The following GNPTAB variants were observed in gnomAD, a reference collection of about 807,000 sequenced individuals.
GNPTAB encodes the protein N-acetylglucosamine-1-phosphotransferase subunits alpha/beta.
A neutral mutation model predicts 136.6 loss-of-function variants in GNPTAB; 92 were observed. The observed-to-expected ratio is 0.67, with a 90% CI of 0.57 to 0.80. GNPTAB has a LOEUF of 0.80. Ranked by LOEUF, GNPTAB falls within the 30% of genes least tolerant of loss-of-function variation. GNPTAB has a pLI of 0.00. For missense variants in GNPTAB, 1,343 were observed against 1,501.8 expected (o/e 0.89, Z 1.75); for synonymous variants, 512 against 535.1 (o/e 0.96, Z 0.60).
At chr12:101,812,620 G>A (rs2137177054) in intron 1 of GNPTAB, among the ~76,000 whole-genome samples, 1 of 152,184 alleles carries the variant, frequency 6.6e-6, no homozygotes, top group Non-Finnish European at 1.5e-5. Flanking sequence ...AATCAGCTGG[G>A]CTTGGTGGCA....
chr12:101,767,330 T>G (rs1255604921), intron 11 of GNPTAB, among the ~76,000 whole-genome samples: 2 of 152,192 alleles, frequency 1.3e-5, no homozygotes, highest in African/African-American at 4.8e-5. Context: ...AAAATATAAC[T>G]ATGTGAGGGA....
intron 2 of GNPTAB, among the ~76,000 whole-genome samples, chr12:101,791,810 G>A (rs1482428692): frequency 6.6e-6 from 1 of 152,190 alleles, no homozygotes; most frequent in Non-Finnish European, 1.5e-5. Flanking sequence ...AAAATTAACA[G>A]AAATGAAACA....
In GNPTAB at chr12:101,761,626, C is replaced by A. The variant is rs1258759102; in HGVS notation, c.2853G>T (p.Arg951=). 1 of 1,614,166 alleles carries A rather than the reference C, an allele frequency of 6.2e-7. No individual in the cohort carries two copies. The highest frequency in any genetic ancestry group is 8.5e-7 in the Non-Finnish European group (1 of 1,180,008). ...ILNSKFGFTS[R]KVPAHMPHMI... ...TGTGAGGCATGTGAGCAGGGACTTT[C>A]CGCGATGTGAATCCAAACTTGCTAT... is the stretch of plus-strand genomic sequence containing the variant. The change falls in exon 14 of 21, where the codon CGG becomes CGT. Residue 951 remains arginine (R), a synonymous_variant. Transcript: ENST00000299314.
At chr12:101,784,708 G>C (rs1306402818) in intron 5 of GNPTAB, among the ~76,000 whole-genome samples, 3 of 151,724 alleles carry the variant, frequency 2.0e-5, no homozygotes, top group African/African-American at 7.3e-5. Context: ...GTCATAGGAT[G>C]AAGTTAATTA....
intron 15 of GNPTAB, among the ~76,000 whole-genome samples, 158 bp downstream of exon 15, chr12:101,760,969 C>T (rs1324488230): frequency 1.3e-5 from 2 of 151,966 alleles, no homozygotes; most frequent in South Asian, 2.1e-4. Flanking sequence ...TTAGTAGAGA[C>T]GGGGTTTCAC....
intron 1 of GNPTAB, among the ~76,000 whole-genome samples, chr12:101,828,631 A>G (rs1268337723): frequency 6.6e-6 from 1 of 152,146 alleles, no homozygotes; most frequent in Non-Finnish European, 1.5e-5. Context: ...CAGAGGTTGC[A>G]GTGAGCCGAG....
In GNPTAB at chr12:101,771,007, C is replaced by A. The variant is rs199560005; in HGVS notation, c.922G>T (p.Ala308Ser). The change falls in exon 8 of 21, where the codon GCC (alanine) becomes TCC (serine). Residue 308 changes from alanine (A) to serine (S), a missense_variant. Coordinates refer to ENST00000299314, the MANE Select transcript of GNPTAB (RefSeq NM_024312.5). ...TGTGCATCCCTTACCTGGCTGATGG[C>A]GCTCAGATCCCATAATAAATATGCA... Reference protein sequence around the residue: ...SPAYLLWDLSAISQSKQDEDI... With the variant: ...SPAYLLWDLSSISQSKQDEDI... The A allele has an allele frequency of 5.0e-6, 8 of 1,613,796 alleles. No individual in the cohort carries two copies. Among genetic ancestry groups the A allele is most frequent in the African/African-American group, 2.7e-5 (2 of 74,910 alleles).
intron 2 of GNPTAB, chr12:101,796,453 T>C: frequency 1.6e-6 from 1 of 625,488 alleles, no homozygotes; most frequent in East Asian, 2.7e-5. Flanking sequence ...GTGTCACCCT[T>C]GCACAGGGGC....
At chr12:101,781,732 C>G (rs1475945656) in intron 5 of GNPTAB, among the ~76,000 whole-genome samples, 3 of 152,028 alleles carry the variant, frequency 2.0e-5, no homozygotes, top group Non-Finnish European at 2.9e-5. Flanking sequence ...GAAAAGAAAG[C>G]CTTCATAATA....
chr12:101,800,728 A>G (rs774963852), intron 1 of GNPTAB, among the ~76,000 whole-genome samples: 16 of 151,914 alleles, frequency 1.1e-4, no homozygotes, highest in Non-Finnish European at 2.1e-4. Flanking sequence ...CAGTGAGCTG[A>G]GATCGCGCCA....
At chr12:101,780,433 T>C (rs982527685) in intron 6 of GNPTAB, 124 bp downstream of exon 6, 4 of 1,079,170 alleles carry the variant, frequency 3.7e-6, no homozygotes, top group Non-Finnish European at 5.6e-6. Context: ...CAGTCATTAA[T>C]ATTAGTAAGC....
chr12:101,755,632 T>C (rs1952890819), intron 18 of GNPTAB, among the ~76,000 whole-genome samples: 1 of 152,214 alleles, frequency 6.6e-6, no homozygotes, highest in South Asian at 2.1e-4. Flanking sequence ...AGCCTGGAGA[T>C]TGTCTATCCC....
At chr12:101,787,532 AAAT>A (rs1348566041) in intron 4 of GNPTAB, among the ~76,000 whole-genome samples, 6 of 152,188 alleles carry the variant, frequency 3.9e-5, no homozygotes, top group Non-Finnish European at 7.4e-5. Context: ...GCTTTTATTT[AAAT>A]AATTTAAAAA....
chr12:101,803,997 C>A (rs1054522581), intron 1 of GNPTAB, among the ~76,000 whole-genome samples: 1 of 151,640 alleles, frequency 6.6e-6, no homozygotes, highest in African/African-American at 2.4e-5. Flanking sequence ...TTTGGGAGGC[C>A]GAGGTGGGAG....
intron 2 of GNPTAB, among the ~76,000 whole-genome samples, chr12:101,793,765 C>T (rs2137155147): frequency 6.6e-6 from 1 of 152,274 alleles, no homozygotes; most frequent in East Asian, 1.9e-4. Context: ...ACTTAACAGT[C>T]CCTTGGTTCT....
At chr12:101,760,222 A>G in intron 15 of GNPTAB, 79 bp from the exon 16 acceptor site, 1 of 905,042 alleles carries the variant, frequency 1.1e-6, no homozygotes. Flanking sequence ...AATTAAGTGA[A>G]AGCTTCCAAA....
intron 1 of GNPTAB, among the ~76,000 whole-genome samples, chr12:101,811,297 G>A (rs540049631): frequency 1.4e-4 from 21 of 152,076 alleles, no homozygotes; most frequent in Non-Finnish European, 2.4e-4. Flanking sequence ...AAATAGCCAC[G>A]GACAGCATGT....
At chr12:101,801,539 CAAAAAAA>C (rs36066248) in intron 1 of GNPTAB, among the ~76,000 whole-genome samples, 91 of 42,592 alleles carry the variant, frequency 2.1e-3, no homozygotes, top group African/African-American at 5.6e-3. Context: ...GACCCTGTCT[CAAAAAAA>C]AAAAAAAAAA....
Position 101,818,607 on chromosome 12 carries a change from C to A in GNPTAB, c.117+11952G>T, listed in dbSNP as rs1393832876. Among the ~76,000 whole-genome samples, 6 of 152,258 alleles carry A rather than the reference C, an allele frequency of 3.9e-5. No individual in the cohort carries two copies. In the East Asian group the frequency reaches 9.6e-4, roughly 24 times the overall value. On this transcript the variant is annotated intron_variant, in intron 1 of 20. Coordinates refer to ENST00000299314, the MANE Select transcript of GNPTAB (RefSeq NM_024312.5). ...TGCCAGGCTGGTCTCAAACTCCTGA[C>A]TTCAGGTGATCCACCCACCTCAGAC...
Sources: gnomAD v4.1 joint callset for allele counts (sites outside exome capture counted in the v4.1 genomes callset) on GRCh38, gnomAD v4.1.1 for gene constraint, MANE v1.5 for transcripts, NCBI Gene and HGNC (gene_info 2026-07-23, HGNC 2026-07-21) for gene names.